Variants in WIPF3 observed in about 807,000 individuals in gnomAD.
WIPF3 encodes the protein WAS/WASL-interacting protein family member 3.
Under a neutral mutation model 38.9 loss-of-function variants are expected in WIPF3, and 33 were observed. The ratio of observed to expected loss-of-function variants is 0.85; its 90% CI spans 0.64 to 1.14. The LOEUF is 1.14. Among genes scored for constraint, WIPF3 ranks in the 50% most tolerant of loss-of-function variants. The pLI is 0.00. For synonymous variants in WIPF3, 324 were observed against 269.3 expected (o/e 1.20, Z -1.99); for missense variants, 711 against 652.5 (o/e 1.09, Z -0.98).
rs755603892 is a variant in WIPF3 at position 29,889,357 on chromosome 7, C to T, written c.1301C>T (p.Pro434Leu). The change falls in exon 7 of 9, where the codon CCG (proline) becomes CTG (leucine). Residue 434 changes from proline to leucine, a missense_variant. Physicochemically the swap from Pro to Leu is moderately conservative, Grantham distance 98. Coordinates refer to ENST00000242140, the MANE Select transcript of WIPF3 (RefSeq NM_001080529.3). ...CATTCTGTGGAAGACTTTCCCCCTC[C>T]GGATGAATATAAACCATGCCAGAAG... Reference protein sequence around the residue: ...TFHSVEDFPPPDEYKPCQKIY... With the variant: ...TFHSVEDFPPLDEYKPCQKIY... 13 of 1,613,980 alleles carry T rather than the reference C, an allele frequency of 8.1e-6. No individual in the cohort carries two copies. Among genetic ancestry groups the T allele is most frequent in the Non-Finnish European group, 1.0e-5 (12 of 1,179,886 alleles).
At chr7:29,899,778 CA>C (rs11407864) in intron 7 of WIPF3, among the ~76,000 whole-genome samples, 18 of 151,398 alleles carry the variant, frequency 1.2e-4, no homozygotes, top group Non-Finnish European at 1.8e-4. Flanking sequence ...AAAACAATAC[CA>C]AAAAATGTAT....
At chr7:29,810,987 C>T (rs1784365061) in intron 1 of WIPF3, among the ~76,000 whole-genome samples, 1 of 152,168 alleles carries the variant, frequency 6.6e-6, no homozygotes, top group South Asian at 2.1e-4. Context: ...CTCCCACACT[C>T]AAGTGATCCT....
chr7:29,836,880 C>T (rs750692731), intron 2 of WIPF3, among the ~76,000 whole-genome samples: 1 of 152,094 alleles, frequency 6.6e-6, no homozygotes, highest in Non-Finnish European at 1.5e-5. Context: ...ATCCCAGCTA[C>T]TCAGGAGGCT....
At chr7:29,814,249 T>C (rs560758030) in intron 1 of WIPF3, among the ~76,000 whole-genome samples, 1 of 152,216 alleles carries the variant, frequency 6.6e-6, no homozygotes, top group Non-Finnish European at 1.5e-5. Flanking sequence ...TGTGTTTTCT[T>C]GTATACCCTG....
chr7:29,884,214 C>G lies in WIPF3; in HGVS notation c.720C>G (p.Ala240=). The G allele has an allele frequency of 2.6e-6, 4 of 1,526,848 alleles. No homozygotes were observed. The highest frequency in any genetic ancestry group is 1.2e-5 in the South Asian group (1 of 81,306). The allele number at this position is 1,526,848 out of a possible 1,614,324, so 94.6% of individuals were successfully genotyped here. A position where few individuals can be genotyped will look rare whatever the true frequency, so the allele number is the denominator to read the frequency against. ...PPPTPPPLPP[A]SVLSDKAVKP... is the part of the protein sequence containing the mutation. ...CAACGCCACCCCCGCTGCCCCCGGCCTCGGTTCTTAGTGACAAGGCAGTGA... is the reference window on the plus strand; with the variant it reads ...CAACGCCACCCCCGCTGCCCCCGGCGTCGGTTCTTAGTGACAAGGCAGTGA... Residue 240 remains alanine, a synonymous_variant, in exon 5 of 9, where the codon GCC becomes GCG. Transcript: ENST00000242140.
At chr7:29,896,693 A>T (rs1160965489) in intron 7 of WIPF3, among the ~76,000 whole-genome samples, 1 of 152,258 alleles carries the variant, frequency 6.6e-6, no homozygotes, top group Non-Finnish European at 1.5e-5. Context: ...TGGTTGCACA[A>T]CACTGTAAAT....
chr7:29,864,974 T>G (rs559764439), intron 2 of WIPF3, among the ~76,000 whole-genome samples: 1 of 152,240 alleles, frequency 6.6e-6, no homozygotes, highest in South Asian at 2.1e-4. Context: ...CTGCTGAAAA[T>G]TATTAGGGGG....
chr7:29,881,976 C>A (rs1173878180), intron 4 of WIPF3, among the ~76,000 whole-genome samples: 1 of 152,222 alleles, frequency 6.6e-6, no homozygotes, highest in Non-Finnish European at 1.5e-5. Context: ...TCTGTCGGCC[C>A]AGGCCTGCCT....
At chr7:29,824,550 T>A (rs200014797) in intron 1 of WIPF3, among the ~76,000 whole-genome samples, 922 of 135,696 alleles carry the variant, frequency 6.8e-3, no homozygotes, top group African/African-American at 0.013. Context: ...GATGTATTTT[T>A]AAAAAAAAAA....
At chr7:29,860,920 C>T (rs954767746) in intron 2 of WIPF3, among the ~76,000 whole-genome samples, 9 of 150,790 alleles carry the variant, frequency 6.0e-5, no homozygotes, top group South Asian at 2.1e-4. Context: ...TGTTTGTGCA[C>T]GGTGGGGAGC....
At chr7:29,914,403 C>T in intron 8 of WIPF3, 90 bp from the exon 9 acceptor site, 1 of 1,103,156 alleles carries the variant, frequency 9.1e-7, no homozygotes. Flanking sequence ...AGCTTCGGGG[C>T]CCAGCCTGTT....
intron 1 of WIPF3, among the ~76,000 whole-genome samples, chr7:29,808,612 A>T (rs1784324003): frequency 6.6e-6 from 1 of 151,926 alleles, no homozygotes; most frequent in Non-Finnish European, 1.5e-5. Flanking sequence ...TTCCTTTAGG[A>T]GTCTCTGTTT....
intron 7 of WIPF3, among the ~76,000 whole-genome samples, chr7:29,892,537 T>C (rs955996294): frequency 3.9e-5 from 6 of 152,254 alleles, no homozygotes. Context: ...TGCCTGGCAC[T>C]GTTCTAGGTG....
intron 1 of WIPF3, among the ~76,000 whole-genome samples, chr7:29,827,775 C>T (rs544805990): frequency 2.6e-4 from 40 of 152,230 alleles, no homozygotes; most frequent in African/African-American, 9.4e-4. Flanking sequence ...TTTGCAGATT[C>T]CTAGTCAAGT....
rs1325666410 is a variant in WIPF3, at chr7:29,883,922, C to T, written c.428C>T (p.Pro143Leu). Reference sequence around the variant, plus strand: ...CTTCCCAACAAAACCATCAGCGGCCCGCTTATCCCGCCTGCCTCTCCCAGG... The same window carrying T: ...CTTCCCAACAAAACCATCAGCGGCCTGCTTATCCCGCCTGCCTCTCCCAGG... Reference protein sequence around the residue: ...PRLPNKTISGPLIPPASPRLG... With the variant: ...PRLPNKTISGLLIPPASPRLG... The change falls in exon 5 of 9, where the codon CCG becomes CTG. Residue 143 changes from proline to leucine, a missense_variant. Physicochemically the swap from Pro to Leu is moderately conservative, Grantham distance 98 (BLOSUM62 -3). Transcript: ENST00000242140. 1.9e-6 allele frequency: 3 copies of T among 1,569,300 alleles called. No individual in the cohort carries two copies. Among genetic ancestry groups the T allele is most frequent in the South Asian group, 1.2e-5 (1 of 85,808 alleles).
Position 29,878,059 on chromosome 7 carries a change from T to G in WIPF3, c.224-950T>G, listed in dbSNP as rs1193598833. Among the ~76,000 whole-genome samples, 2 of 152,176 alleles carry G rather than the reference T, an allele frequency of 1.3e-5. No individual in the cohort carries two copies. Among genetic ancestry groups the G allele is most frequent in the African/African-American group, 2.4e-5 (1 of 41,454 alleles). On this transcript the variant is annotated intron_variant, in intron 3 of 8. Transcript: ENST00000242140. The surrounding 1 kb of genome is among the most constrained non-coding windows in gnomAD (Gnocchi z 4.0). ...TGTCAACACACAAGGATAGACAAATTTTTAAAGAAATATTTTCAACATTGA... is the reference window on the plus strand; with the variant it reads ...TGTCAACACACAAGGATAGACAAATGTTTAAAGAAATATTTTCAACATTGA...
intron 7 of WIPF3, among the ~76,000 whole-genome samples, chr7:29,895,970 A>G (rs1204610997): frequency 6.6e-6 from 1 of 152,240 alleles, no homozygotes; most frequent in Non-Finnish European, 1.5e-5. Context: ...ACGAAAGGCC[A>G]CATGTTGTAT....
chr7:29,890,860 CCTGCCCTGTGCTCA>C (rs1785997460), intron 7 of WIPF3, among the ~76,000 whole-genome samples: 1 of 138,936 alleles, frequency 7.2e-6, no homozygotes, highest in African/African-American at 2.8e-5. Flanking sequence ...GGGATGTGGG[CCTGCCCTGTGCTCA>C]GGTGGAAGGG....
chr7:29,821,942 G>C (rs1195859716), intron 1 of WIPF3, among the ~76,000 whole-genome samples: 1 of 151,928 alleles, frequency 6.6e-6, no homozygotes, highest in East Asian at 1.9e-4. Flanking sequence ...GATATTCTCA[G>C]AGTCCTTATC....
Sources: allele counts gnomAD v4.1 joint callset (sites outside exome capture counted in the v4.1 genomes callset), GRCh38; gene constraint gnomAD v4.1.1; non-coding constraint Gnocchi (gnomAD v3.1); transcripts MANE v1.5; gene names NCBI Gene and HGNC (gene_info 2026-07-23, HGNC 2026-07-21).